KCTD16: variants seen among roughly 807,000 people sequenced by gnomAD.
KCTD16 encodes the protein BTB/POZ domain-containing protein KCTD16.
In KCTD16, 13 loss-of-function variants were observed where a neutral mutation model predicts 33.2. That is an observed-to-expected ratio of 0.39 (90% CI 0.25 to 0.62). KCTD16 has a LOEUF of 0.62. Among genes scored for constraint, KCTD16 ranks in the 20% least tolerant of loss-of-function variants. The probability of loss-of-function intolerance (pLI) is 0.50; values close to 1 mark genes in which losing one functional copy is unlikely to be tolerated. For synonymous variants in KCTD16, 197 were observed against 195.3 expected (o/e 1.01, Z -0.07); for missense variants, 441 against 525.1 (o/e 0.84, Z 1.57).
intron 3 of KCTD16, among the ~76,000 whole-genome samples, chr5:144,373,793 A>G (rs918983084): frequency 6.6e-6 from 1 of 152,236 alleles, no homozygotes; most frequent in Non-Finnish European, 1.5e-5. Context: ...ATTGATATTT[A>G]ATAATTGGTA....
intron 3 of KCTD16, among the ~76,000 whole-genome samples, chr5:144,425,298 T>C (rs1753301248): frequency 6.6e-6 from 1 of 152,042 alleles, no homozygotes; most frequent in Non-Finnish European, 1.5e-5. Flanking sequence ...ATGTCCTGTT[T>C]CCTGGGGTAG....
At chr5:144,415,092 G>T (rs1753016692) in intron 3 of KCTD16, among the ~76,000 whole-genome samples, 1 of 152,180 alleles carries the variant, frequency 6.6e-6, no homozygotes, top group Admixed American at 6.5e-5. Flanking sequence ...GGTCCCATCT[G>T]ATGAGGGCCT....
chr5:144,409,798 C>T lies in KCTD16; in HGVS notation c.833-63862C>T, dbSNP rs114881387. Reference sequence around the variant, plus strand: ...TGCCACTGCACTCCAACCTGGGCAACGAGACCGAAACTCTGTCTCAAAACA... The same window carrying T: ...TGCCACTGCACTCCAACCTGGGCAATGAGACCGAAACTCTGTCTCAAAACA... On this transcript the variant is annotated intron_variant, in intron 3 of 3. Coordinates refer to ENST00000512467, the MANE Select transcript of KCTD16 (RefSeq NM_020768.4). 2.5e-3 allele frequency among the ~76,000 whole-genome samples: 384 copies of T among 152,030 alleles called. 2 individuals are homozygous for T. The highest frequency in any genetic ancestry group is 8.9e-3 in the African/African-American group (369 of 41,432).
intron 3 of KCTD16, among the ~76,000 whole-genome samples, chr5:144,377,317 G>C (rs1752116080): frequency 6.6e-6 from 1 of 152,142 alleles, no homozygotes. Context: ...ATAAGGAATG[G>C]AGTGGACAGT....
intron 2 of KCTD16, among the ~76,000 whole-genome samples, chr5:144,199,033 T>G (rs1357119837): frequency 6.6e-6 from 1 of 152,198 alleles, no homozygotes; most frequent in African/African-American, 2.4e-5. Context: ...ATTCCACAAA[T>G]TCCATTTACA....
intron 2 of KCTD16, among the ~76,000 whole-genome samples, chr5:144,192,326 T>A (rs1013024952): frequency 3.9e-5 from 6 of 152,200 alleles, no homozygotes; most frequent in African/African-American, 1.4e-4. Context: ...TTCTAAGAAA[T>A]GCTTACTTAA....
chr5:144,239,309 A>C (rs1274880389), intron 3 of KCTD16, among the ~76,000 whole-genome samples: 1 of 152,126 alleles, frequency 6.6e-6, no homozygotes, highest in Non-Finnish European at 1.5e-5. Context: ...ATTATTAAGA[A>C]GTTTGGGTAA....
intron 3 of KCTD16, among the ~76,000 whole-genome samples, chr5:144,356,327 A>G (rs1345482838): frequency 6.6e-6 from 1 of 152,170 alleles, no homozygotes; most frequent in Non-Finnish European, 1.5e-5. Flanking sequence ...GTCCGTGTAC[A>G]TATATAAGTA....
chr5:144,298,937 A>G (rs1756122401), intron 3 of KCTD16, among the ~76,000 whole-genome samples: 1 of 148,704 alleles, frequency 6.7e-6, no homozygotes, highest in African/African-American at 2.5e-5. Context: ...TCTTTCACCC[A>G]GTATCCTGAT....
intron 3 of KCTD16, among the ~76,000 whole-genome samples, chr5:144,304,202 G>T (rs568839597): frequency 6.6e-6 from 1 of 152,268 alleles, no homozygotes; most frequent in South Asian, 2.1e-4. Context: ...AAAAGACCAG[G>T]GTGTCATAGT....
intron 3 of KCTD16, among the ~76,000 whole-genome samples, chr5:144,467,110 TA>T (rs1332800887): frequency 7.0e-6 from 1 of 142,082 alleles, no homozygotes; most frequent in Non-Finnish European, 1.5e-5. Flanking sequence ...ATAATATATA[TA>T]ACACTATATA....
At chr5:144,446,954 T>C (rs1561611353) in intron 3 of KCTD16, among the ~76,000 whole-genome samples, 1 of 152,124 alleles carries the variant, frequency 6.6e-6, no homozygotes, top group Non-Finnish European at 1.5e-5. Flanking sequence ...TTTACACTGT[T>C]GGTGGGAGTG....
At chr5:144,194,523 A>G (rs1489366012) in intron 2 of KCTD16, among the ~76,000 whole-genome samples, 1 of 152,258 alleles carries the variant, frequency 6.6e-6, no homozygotes, top group East Asian at 1.9e-4. Context: ...TAATTAGAAC[A>G]GTTTGGGGAA....
intron 3 of KCTD16, among the ~76,000 whole-genome samples, chr5:144,245,842 C>A (rs749740928): frequency 3.9e-5 from 6 of 152,188 alleles, no homozygotes; most frequent in Non-Finnish European, 8.8e-5. Context: ...GAGGCCTCCC[C>A]AGAAGCAAAT....
rs570258603 is a variant in KCTD16, at chr5:144,465,561, G to A, written c.833-8099G>A. 2.0e-5 allele frequency among the ~76,000 whole-genome samples: 3 copies of A among 152,148 alleles called. No individual in the cohort carries two copies. In the East Asian group the frequency reaches 5.8e-4, roughly 30 times the overall value. The stretch of plus-strand genomic sequence containing the variant: ...ACGATTCTCTTTTCAAACCACTACT[G>A]TGGTCGTGTAGGTCTGCCAGCACTG... On this transcript the variant is annotated intron_variant, in intron 3 of 3. Coordinates refer to ENST00000512467, the MANE Select transcript of KCTD16 (RefSeq NM_020768.4).
intron 3 of KCTD16, among the ~76,000 whole-genome samples, chr5:144,340,401 C>CAAAAA (rs1208475292): frequency 6.2e-5 from 3 of 48,238 alleles, no homozygotes; most frequent in African/African-American, 6.4e-5. Context: ...GACTCCATCT[C>CAAAAA]AAAAAAAAAA....
chr5:144,329,986 C>T (rs1335146776), intron 3 of KCTD16, among the ~76,000 whole-genome samples: 3 of 152,136 alleles, frequency 2.0e-5, no homozygotes, highest in African/African-American at 7.2e-5. Context: ...GCTATAGTTG[C>T]TCCAATTCTA....
At chr5:144,348,809 T>G (rs1387127834) in intron 3 of KCTD16, among the ~76,000 whole-genome samples, 1 of 152,228 alleles carries the variant, frequency 6.6e-6, no homozygotes, top group Non-Finnish European at 1.5e-5. Context: ...CTTGTGTTTG[T>G]TTATTCTAGT....
chr5:144,201,041 C>A (rs982069490), intron 2 of KCTD16, among the ~76,000 whole-genome samples: 3 of 152,208 alleles, frequency 2.0e-5, no homozygotes, highest in Non-Finnish European at 4.4e-5. Context: ...CCACCTTACC[C>A]AGCCAATGTA....
Sources: gnomAD v4.1 joint callset for allele counts (sites outside exome capture counted in the v4.1 genomes callset) on GRCh38, gnomAD v4.1.1 for gene constraint, MANE v1.5 for transcripts, NCBI Gene and HGNC (gene_info 2026-07-23, HGNC 2026-07-21) for gene names.